Variants in CYB5A observed in about 807,000 individuals in gnomAD.
CYB5A encodes the protein cytochrome b5.
A neutral mutation model predicts 16.2 loss-of-function variants in CYB5A; 10 were observed. That is an observed-to-expected ratio of 0.62 (90% CI 0.38 to 1.04). CYB5A has a LOEUF of 1.04. Ranked by LOEUF, CYB5A falls within the 50% of genes least tolerant of loss-of-function variation. The pLI is 0.01. For synonymous variants in CYB5A, 62 were observed against 57.0 expected (o/e 1.09, Z -0.40); for missense variants, 161 against 165.9 (o/e 0.97, Z 0.16).
chr18:74,254,381 G>T, intron 4 of CYB5A, among the ~76,000 whole-genome samples: 1 of 138,360 alleles, frequency 7.2e-6, no homozygotes. Flanking sequence ...TTGGTGTGTG[G>T]TCCACAGGTC....
chr18:74,265,188 C>T (rs1982385262), intron 1 of CYB5A, among the ~76,000 whole-genome samples: 1 of 152,178 alleles, frequency 6.6e-6, no homozygotes, highest in African/African-American at 2.4e-5. Context: ...TCTAAACATA[C>T]CTAGTGCTAA....
At chr18:74,284,705 G>C (rs78690725) in intron 1 of CYB5A, among the ~76,000 whole-genome samples, 4,536 of 152,220 alleles carry the variant, frequency 0.03, 179 homozygotes, top group East Asian at 0.18. Context: ...ACTGAGCCTA[G>C]AGGCTGTTAA....
At chr18:74,256,348 A>ACCAG (rs1981979627) in intron 3 of CYB5A, 1 of 175,534 alleles carries the variant, frequency 5.7e-6, no homozygotes, top group South Asian at 1.4e-4. Flanking sequence ...AAGACACCAG[A>ACCAG]CCAGCCTCAC....
chr18:74,285,865 A>AG (rs1281275363), intron 1 of CYB5A, among the ~76,000 whole-genome samples: 2 of 146,662 alleles, frequency 1.4e-5, no homozygotes, highest in African/African-American at 5.2e-5. Flanking sequence ...AAAAAAAAAA[A>AG]GTAGAAGTGT....
intron 1 of CYB5A, among the ~76,000 whole-genome samples, chr18:74,274,258 C>G (rs1290714461): frequency 6.6e-6 from 1 of 152,174 alleles, no homozygotes; most frequent in African/African-American, 2.4e-5. Context: ...AGAAAATATA[C>G]ACAACGAGCG....
At chr18:74,291,703 C>A in intron 1 of CYB5A, 44 bp downstream of exon 1, 3 of 1,612,740 alleles carry the variant, frequency 1.9e-6, no homozygotes, top group Non-Finnish European at 2.5e-6. Flanking sequence ...CCCCCAAACC[C>A]GGCCCACGCT....
At chr18:74,285,843 CAAAAA>C (rs58176740) in intron 1 of CYB5A, among the ~76,000 whole-genome samples, 4 of 70,862 alleles carry the variant, frequency 5.6e-5, no homozygotes, top group East Asian at 1.0e-3. Context: ...GACCCCATCT[CAAAAA>C]AAAAAAAAAA....
At chr18:74,254,367 C>A (rs949684653) in intron 4 of CYB5A, among the ~76,000 whole-genome samples, 1 of 137,016 alleles carries the variant, frequency 7.3e-6, no homozygotes, top group Non-Finnish European at 1.5e-5. Context: ...AATGGCCAGA[C>A]TACTTGGTGT....
rs117328055 is a variant in CYB5A, at chr18:74,268,281, G to A, written c.130-4804C>T. On this transcript the variant is annotated intron_variant, in intron 1 of 4. Coordinates refer to ENST00000340533, the MANE Select transcript of CYB5A (RefSeq NM_148923.4). ...GTCACCCACACAAAGGGGTCAGGACGGGCCCTGCTGAGCTGTACCACAAGG... is the reference window on the plus strand; with the variant it reads ...GTCACCCACACAAAGGGGTCAGGACAGGCCCTGCTGAGCTGTACCACAAGG... Among the ~76,000 whole-genome samples the A allele has an allele frequency of 1.2e-4, 18 of 152,308 alleles. No homozygotes were observed. In the East Asian group the frequency reaches 3.1e-3, roughly 26 times the overall value.
chr18:74,269,354 G>C (rs1468207159), intron 1 of CYB5A, among the ~76,000 whole-genome samples: 1 of 152,100 alleles, frequency 6.6e-6, no homozygotes, highest in Non-Finnish European at 1.5e-5. Context: ...GATCGTCTAC[G>C]TGTCTAAACA....
chr18:74,287,474 G>A (rs763970159), intron 1 of CYB5A, among the ~76,000 whole-genome samples: 1 of 152,134 alleles, frequency 6.6e-6, no homozygotes, highest in Admixed American at 6.5e-5. Context: ...AAATAACAAA[G>A]AGCAAGTCCC....
chr18:74,253,696 C>T (rs1266924306), intron 4 of CYB5A, 31 bp from the exon 5 acceptor site: 5 of 1,460,864 alleles, frequency 3.4e-6, no homozygotes, highest in Non-Finnish European at 4.8e-6. Flanking sequence ...ATGATGCTGA[C>T]ATGATGTGCA....
chr18:74,280,626 A>G (rs1983061068), intron 1 of CYB5A, among the ~76,000 whole-genome samples: 1 of 151,954 alleles, frequency 6.6e-6, no homozygotes, highest in Admixed American at 6.6e-5. Context: ...TCTATGATCC[A>G]TTCTGAGTTA....
chr18:74,264,678 G>A (rs543725789), intron 1 of CYB5A, among the ~76,000 whole-genome samples: 7 of 152,300 alleles, frequency 4.6e-5, no homozygotes, highest in South Asian at 2.1e-4. Context: ...ATGGAGGCAC[G>A]GAGGCAGGGG....
intron 4 of CYB5A, among the ~76,000 whole-genome samples, chr18:74,254,738 TCTCGATCTCCTGAC>T (rs1981905947): frequency 6.6e-6 from 1 of 152,018 alleles, no homozygotes; most frequent in African/African-American, 2.4e-5. Context: ...GCCAGGATGG[TCTCGATCTCCTGAC>T]CTCGTGATCC....
chr18:74,275,602 G>A (rs2145067471), intron 1 of CYB5A, among the ~76,000 whole-genome samples: 1 of 152,284 alleles, frequency 6.6e-6, no homozygotes, highest in African/African-American at 2.4e-5. Context: ...ATTTAGTCAA[G>A]AAAAGTGACC....
intron 1 of CYB5A, among the ~76,000 whole-genome samples, chr18:74,275,960 C>T (rs8084744): frequency 0.55 from 82,961 of 151,828 alleles, 24,013 homozygotes; most frequent in Middle Eastern, 0.66. Flanking sequence ...AGCGCGGCAC[C>T]GGGATCTGAC....
intron 1 of CYB5A, among the ~76,000 whole-genome samples, chr18:74,265,756 A>G (rs1982409363): frequency 6.6e-6 from 1 of 152,212 alleles, no homozygotes; most frequent in South Asian, 2.1e-4. Flanking sequence ...GAGCCCACAC[A>G]TCTCATGGCG....
rs986145956 is a variant in CYB5A, at chr18:74,251,805, C to A, written c.*1779G>T. ...CATGAAGAAACATTGCCAGCCACAG[C>A]AGCAAATTGCTGAGTCACTGATAAA... is the stretch of plus-strand genomic sequence containing the variant. On this transcript the variant is annotated 3_prime_UTR_variant, in exon 5 of 5. Coordinates refer to ENST00000340533, the MANE Select transcript of CYB5A (RefSeq NM_148923.4). 5.3e-5 allele frequency: 8 copies of A among 152,218 alleles called. No individual in the cohort carries two copies. Among genetic ancestry groups the A allele is most frequent in the African/African-American group, 1.9e-4 (8 of 41,460 alleles). 9.4% of individuals were successfully genotyped at this position (152,218 alleles called of 1,614,324 possible).
Sources: gnomAD v4.1 joint callset for allele counts (sites outside exome capture counted in the v4.1 genomes callset) on GRCh38, gnomAD v4.1.1 for gene constraint, MANE v1.5 for transcripts, NCBI Gene and HGNC (gene_info 2026-07-23, HGNC 2026-07-21) for gene names.